ASB7: variants seen among roughly 807,000 people sequenced by gnomAD.
ASB7 encodes the protein ankyrin repeat and SOCS box containing 7.
A neutral mutation model predicts 32.5 loss-of-function variants in ASB7; 4 were observed. The ratio of observed to expected loss-of-function variants is 0.12; its 90% CI spans 0.06 to 0.28. The LOEUF is 0.28. Among genes scored for constraint, ASB7 ranks in the 10% least tolerant of loss-of-function variants. The pLI, the probability that ASB7 is intolerant of heterozygous loss-of-function variation, is 1.00. For missense variants in ASB7, 181 were observed against 407.1 expected (o/e 0.44, Z 4.78); for synonymous variants, 172 against 155.6 (o/e 1.11, Z -0.78).
At chr15:100,642,868 C>A (rs1353064133) in intron 5 of ASB7, among the ~76,000 whole-genome samples, 2 of 152,178 alleles carry the variant, frequency 1.3e-5, no homozygotes, top group Non-Finnish European at 2.9e-5. Flanking sequence ...GAAACCCTGT[C>A]TCTGTTAAAA....
At chr15:100,646,544 TG>T in intron 5 of ASB7, 2 of 410,562 alleles carry the variant, frequency 4.9e-6, no homozygotes, top group Non-Finnish European at 1.0e-5. Flanking sequence ...AGTAATTAAT[TG>T]ATGATGTTAC....
In ASB7 at chr15:100,628,202, A is replaced by G. The variant is rs542229948; in HGVS notation, c.212-1235A>G. Among the ~76,000 whole-genome samples the G allele has an allele frequency of 2.6e-5, 4 of 152,342 alleles. No individual in the cohort carries two copies. The East Asian group carries it at 7.7e-4, about 29-fold the overall frequency. On this transcript the variant is annotated intron_variant, in intron 4 of 5. Coordinates refer to ENST00000332783, the MANE Select transcript of ASB7 (RefSeq NM_198243.3). Reference sequence around the variant, plus strand: ...TACATGATATGGCTTACCTAAAAACATCTTATTTTGTATAGGTTTTGTTAG... The same window carrying G: ...TACATGATATGGCTTACCTAAAAACGTCTTATTTTGTATAGGTTTTGTTAG...
At chr15:100,620,469 A>G (rs1015305362) in intron 4 of ASB7, among the ~76,000 whole-genome samples, 1 of 152,244 alleles carries the variant, frequency 6.6e-6, no homozygotes, top group African/African-American at 2.4e-5. Flanking sequence ...ATGAAAACTT[A>G]GGGTTTTACT....
At chr15:100,610,534 C>G (rs993180866) in intron 3 of ASB7, among the ~76,000 whole-genome samples, 5 of 151,258 alleles carry the variant, frequency 3.3e-5, no homozygotes, top group African/African-American at 9.7e-5. Flanking sequence ...TCCCATATTT[C>G]TCTGAGGAAA....
In ASB7 at chr15:100,603,264, T is replaced by G. The variant is rs2039581818; in HGVS notation, c.-223T>G. ...GAAAGCAGGAAGAGGTCTGCCCACC[T>G]ATCAGAGAAGCAGAAGGCACAGTGC... On this transcript the variant is annotated 5_prime_UTR_variant, in exon 2 of 6. Transcript: ENST00000332783. 1 of 347,754 alleles carries G rather than the reference T, an allele frequency of 2.9e-6. No homozygotes were observed. The highest frequency in any genetic ancestry group is 5.1e-6 in the Non-Finnish European group (1 of 194,990). The allele number at this position is 347,754 out of a possible 1,614,324, so 21.5% of individuals were successfully genotyped here.
At chr15:100,603,476 T>C (rs551259650) in intron 2 of ASB7, among the ~76,000 whole-genome samples, 163 bp downstream of exon 2, 4 of 129,890 alleles carry the variant, frequency 3.1e-5, no homozygotes, top group Non-Finnish European at 4.7e-5. Flanking sequence ...CCGTGCCTGA[T>C]ACTTAACATT....
intron 5 of ASB7, among the ~76,000 whole-genome samples, chr15:100,632,974 C>T (rs1359054517): frequency 6.6e-6 from 1 of 151,744 alleles, no homozygotes; most frequent in Non-Finnish European, 1.5e-5. Context: ...CTGTTCCCTA[C>T]AGCCAGCCCG....
At chr15:100,637,767 T>G (rs2039934248) in intron 5 of ASB7, among the ~76,000 whole-genome samples, 1 of 152,224 alleles carries the variant, frequency 6.6e-6, no homozygotes, top group Non-Finnish European at 1.5e-5. Flanking sequence ...CTTTTCCAAC[T>G]GCGTATCTGA....
At chr15:100,645,490 G>T in intron 5 of ASB7, 1 of 590,236 alleles carries the variant, frequency 1.7e-6, no homozygotes, top group Non-Finnish European at 3.2e-6. Context: ...GGAGCCCTGT[G>T]TCTGTCTAGT....
Position 100,629,439 on chromosome 15 carries a change from G to A in ASB7, c.214G>A (p.Asp72Asn), listed in dbSNP as rs2039866908. The change falls in exon 5 of 6, where the codon GAT (aspartate) becomes AAT (asparagine). Residue 72 changes from aspartate to asparagine, a missense_variant and splice_region_variant. Physicochemically the swap from Asp to Asn is conservative, Grantham distance 23. Transcript: ENST00000332783. The surrounding 1 kb of genome is among the most constrained non-coding windows in gnomAD (Gnocchi z 6.8). ...CVRVFLEHGA[D>N]PTVKDLIGGF... The stretch of plus-strand genomic sequence containing the variant: ...TTTCATTTTGGTTTTAACTCCAGCT[G>A]ATCCTACAGTTAAAGACTTAATCGG... 1 of 1,604,206 alleles carries A rather than the reference G, an allele frequency of 6.2e-7. No individual in the cohort carries two copies. Among genetic ancestry groups the A allele is most frequent in the Non-Finnish European group, 8.5e-7 (1 of 1,172,562 alleles).
intron 4 of ASB7, among the ~76,000 whole-genome samples, chr15:100,613,621 A>G (rs2141389770): frequency 6.6e-6 from 1 of 152,386 alleles, no homozygotes; most frequent in African/African-American, 2.4e-5. Context: ...AAGATCTGTA[A>G]AAAGTAAAAG....
intron 4 of ASB7, among the ~76,000 whole-genome samples, chr15:100,613,585 G>A (rs1485198044): frequency 1.3e-5 from 2 of 152,174 alleles, no homozygotes; most frequent in African/African-American, 4.8e-5. Context: ...TTGATGAAAG[G>A]GAAATAGAAG....
chr15:100,617,896 A>G (rs1361814394), intron 4 of ASB7, among the ~76,000 whole-genome samples: 3 of 152,152 alleles, frequency 2.0e-5, no homozygotes, highest in Admixed American at 6.5e-5. Flanking sequence ...CTTTTCTTTT[A>G]TCAAAAAATA....
intron 5 of ASB7, among the ~76,000 whole-genome samples, chr15:100,640,386 C>G (rs891551415): frequency 1.1e-4 from 16 of 152,320 alleles, no homozygotes; most frequent in African/African-American, 3.1e-4. Context: ...CTCAAGTGAT[C>G]TGCCCGCCTT....
rs1215780526 is a variant in ASB7, at chr15:100,649,385, G to C, written c.*923G>C. 1 of 152,164 alleles carries C rather than the reference G, an allele frequency of 6.6e-6. No individual in the cohort carries two copies. Among genetic ancestry groups the C allele is most frequent in the Non-Finnish European group, 1.5e-5 (1 of 68,026 alleles). 9.4% of individuals were successfully genotyped at this position (152,164 alleles called of 1,614,324 possible). The stretch of plus-strand genomic sequence containing the variant: ...ATGTCAGTTGCAATTTCCATCTGAA[G>C]CTATGTCTTTGACTTCACTTTAAGC... On this transcript the variant is annotated 3_prime_UTR_variant, in exon 6 of 6. Transcript: ENST00000332783.
chr15:100,607,748 T>G (rs1043591893), intron 2 of ASB7, among the ~76,000 whole-genome samples: 2 of 152,232 alleles, frequency 1.3e-5, no homozygotes, highest in Admixed American at 1.3e-4. Flanking sequence ...CTGTGCCACG[T>G]TAAGTGTCAA....
chr15:100,645,418 G>A (rs774883990), intron 5 of ASB7: 5 of 305,028 alleles, frequency 1.6e-5, no homozygotes, highest in Non-Finnish European at 3.2e-5. Flanking sequence ...ATTATCATTC[G>A]AGTTCATGCC....
chr15:100,606,884 G>A (rs2039649575), intron 2 of ASB7, among the ~76,000 whole-genome samples: 1 of 152,100 alleles, frequency 6.6e-6, no homozygotes, highest in South Asian at 2.1e-4. Context: ...GCCGGGCGCG[G>A]TGGCTCACAC....
intron 5 of ASB7, among the ~76,000 whole-genome samples, chr15:100,631,040 T>A (rs1057147618): frequency 6.6e-6 from 1 of 152,208 alleles, no homozygotes; most frequent in Non-Finnish European, 1.5e-5. Flanking sequence ...AGCGGGCCTT[T>A]GGAGTACACA....
Sources: gnomAD v4.1 joint callset for allele counts (sites outside exome capture counted in the v4.1 genomes callset) on GRCh38, gnomAD v4.1.1 for gene constraint, Gnocchi (gnomAD v3.1) non-coding constraint, MANE v1.5 for transcripts, NCBI Gene and HGNC (gene_info 2026-07-23, HGNC 2026-07-21) for gene names.